The following CTNNA2 variants were observed in gnomAD, a reference collection of about 807,000 sequenced individuals.
CTNNA2 encodes the protein catenin alpha-2.
A neutral mutation model predicts 101.0 loss-of-function variants in CTNNA2; 42 were observed. The ratio of observed to expected loss-of-function variants is 0.42; its 90% CI spans 0.32 to 0.54. The LOEUF (loss-of-function observed/expected upper bound fraction) is 0.54, where lower values mean the gene tolerates loss of function less well. Among genes scored for constraint, CTNNA2 ranks in the 20% least tolerant of loss-of-function variants. The pLI is 0.14. For missense variants in CTNNA2, 871 were observed against 1,223.1 expected (o/e 0.71, Z 4.29); for synonymous variants, 450 against 456.4 (o/e 0.99, Z 0.18).
intron 1 of CTNNA2, among the ~76,000 whole-genome samples, chr2:79,639,283 G>GT (rs1680286753): frequency 6.6e-6 from 1 of 152,150 alleles, no homozygotes; most frequent in South Asian, 2.1e-4. Context: ...TCACTTTAAT[G>GT]TTTACCACAT....
intron 6 of CTNNA2, among the ~76,000 whole-genome samples, chr2:79,902,236 C>A (rs1006286730): frequency 6.6e-5 from 10 of 152,100 alleles, no homozygotes; most frequent in Non-Finnish European, 1.3e-4. Context: ...ATGAGGTAAA[C>A]AATTAGTGCA....
At chr2:80,638,415 A>T (rs73938522) in intron 18 of CTNNA2, among the ~76,000 whole-genome samples, 72 of 152,220 alleles carry the variant, frequency 4.7e-4, no homozygotes, top group African/African-American at 1.7e-3. Flanking sequence ...AACTTAGAGG[A>T]GGTCTCTGGC....
intron 3 of CTNNA2, among the ~76,000 whole-genome samples, chr2:79,334,900 A>G (rs559121105): frequency 6.6e-6 from 1 of 152,270 alleles, no homozygotes; most frequent in East Asian, 1.9e-4. Flanking sequence ...AAATAAAACT[A>G]AAAACACTCT....
intron 9 of CTNNA2, among the ~76,000 whole-genome samples, chr2:80,494,686 C>CAAAAGCTAGACGA (rs1687313508): frequency 7.5e-6 from 1 of 133,392 alleles, no homozygotes; most frequent in Non-Finnish European, 1.7e-5. Context: ...GACGAAGGGA[C>CAAAAGCTAGACGA]AGTTTAGCTC....
chr2:80,637,472 A>C (rs1350485615), intron 18 of CTNNA2, among the ~76,000 whole-genome samples: 1 of 152,072 alleles, frequency 6.6e-6, no homozygotes, highest in Non-Finnish European at 1.5e-5. Context: ...ATGAATTACC[A>C]GTGACAGAGA....
intron 1 of CTNNA2, among the ~76,000 whole-genome samples, chr2:79,600,328 A>G (rs1677468723): frequency 6.6e-6 from 1 of 151,972 alleles, no homozygotes; most frequent in Admixed American, 6.6e-5. Context: ...GGTGTGTGCC[A>G]CCATGCCTGG....
chr2:79,334,394 G>A (rs1338366981), intron 3 of CTNNA2, among the ~76,000 whole-genome samples: 2 of 151,890 alleles, frequency 1.3e-5, no homozygotes, highest in African/African-American at 2.4e-5. Context: ...CCTGTTTATT[G>A]GATGATGTAC....
At chr2:80,118,290 G>A (rs1191744146) in intron 7 of CTNNA2, among the ~76,000 whole-genome samples, 2 of 152,176 alleles carry the variant, frequency 1.3e-5, no homozygotes, top group Non-Finnish European at 2.9e-5. Context: ...AGTCATATAG[G>A]AAGACCAAAG....
chr2:79,826,829 A>G (rs1454782635), intron 3 of CTNNA2, among the ~76,000 whole-genome samples: 3 of 152,160 alleles, frequency 2.0e-5, no homozygotes, highest in Non-Finnish European at 4.4e-5. Flanking sequence ...ACAACTTTTC[A>G]TTTGGGCTTA....
intron 9 of CTNNA2, among the ~76,000 whole-genome samples, chr2:80,513,283 T>G (rs1573090822): frequency 6.6e-6 from 1 of 152,226 alleles, no homozygotes; most frequent in Non-Finnish European, 1.5e-5. Context: ...TTCCCTTCCT[T>G]CAGTTTTTTC....
intron 4 of CTNNA2, among the ~76,000 whole-genome samples, chr2:79,393,309 G>T (rs1678194361): frequency 6.6e-6 from 1 of 152,146 alleles, no homozygotes; most frequent in African/African-American, 2.4e-5. Context: ...AAAACAGCTT[G>T]GTAAGCAAAA....
chr2:79,980,292 C>T (rs556710116), intron 7 of CTNNA2, among the ~76,000 whole-genome samples: 1 of 152,152 alleles, frequency 6.6e-6, no homozygotes, highest in Admixed American at 6.5e-5. Context: ...TTAACTTGCT[C>T]ATATGAGTAA....
chr2:79,860,843 G>A (rs1370077299), intron 4 of CTNNA2, among the ~76,000 whole-genome samples: 7 of 152,072 alleles, frequency 4.6e-5, no homozygotes, highest in Admixed American at 6.5e-5. Context: ...AACAAACATA[G>A]CACATAGTTC....
intron 9 of CTNNA2, among the ~76,000 whole-genome samples, chr2:80,523,837 C>A (rs756047248): frequency 6.6e-6 from 1 of 152,142 alleles, no homozygotes; most frequent in Non-Finnish European, 1.5e-5. Flanking sequence ...GATACAAATT[C>A]TTTACACTAA....
intron 7 of CTNNA2, among the ~76,000 whole-genome samples, chr2:79,964,232 G>T (rs1689859099): frequency 6.6e-6 from 1 of 152,158 alleles, no homozygotes; most frequent in South Asian, 2.1e-4. Context: ...CCTGACCGGT[G>T]TCAGAATCTT....
chr2:79,724,912 G>A (rs1297842861), intron 2 of CTNNA2, among the ~76,000 whole-genome samples: 4 of 151,362 alleles, frequency 2.6e-5, no homozygotes, highest in Non-Finnish European at 4.4e-5. Flanking sequence ...TCTACTCTGC[G>A]GTACTCCCTG....
intron 7 of CTNNA2, among the ~76,000 whole-genome samples, chr2:79,960,208 G>A (rs929303445): frequency 1.3e-5 from 2 of 152,142 alleles, no homozygotes; most frequent in Admixed American, 6.5e-5. Context: ...TTGAAGGTTG[G>A]GGAAAGATTG....
intron 1 of CTNNA2, chr2:79,649,247 C>T (rs977025225): frequency 1.3e-5 from 2 of 154,696 alleles, no homozygotes; most frequent in African/African-American, 4.8e-5. Context: ...CTTCCTTGAT[C>T]TATCAGCGTA....
chr2:79,261,533 C>T (rs1180171863), intron 2 of CTNNA2, among the ~76,000 whole-genome samples: 1 of 152,168 alleles, frequency 6.6e-6, no homozygotes. Flanking sequence ...ATCAAGGTGC[C>T]AGGAGGCTTG....
Sources: gnomAD v4.1 joint callset for allele counts (sites outside exome capture counted in the v4.1 genomes callset) on GRCh38, gnomAD v4.1.1 for gene constraint, MANE v1.5 for transcripts, NCBI Gene and HGNC (gene_info 2026-07-23, HGNC 2026-07-21) for gene names.